Variants in GRIN3A observed in about 807,000 individuals in gnomAD.
The protein encoded by GRIN3A is glutamate ionotropic receptor NMDA type subunit 3A, also known as glutamate receptor ionotropic, NMDA 3A.
GRIN3A carries 47 observed loss-of-function variants against 92.4 expected under a neutral mutation model. The ratio of observed to expected loss-of-function variants is 0.51; its 90% confidence interval spans 0.40 to 0.65. The LOEUF is 0.65. Among genes scored for constraint, GRIN3A ranks in the 30% least tolerant of loss-of-function variants. GRIN3A has a pLI of 0.00. For synonymous variants in GRIN3A, 527 were observed against 540.6 expected (o/e 0.97, Z 0.35); for missense variants, 1,324 against 1,393.1 (o/e 0.95, Z 0.79).
At chr9:101,575,581 C>A (rs1478617860) in intron 8 of GRIN3A, among the ~76,000 whole-genome samples, 2 of 152,168 alleles carry the variant, frequency 1.3e-5, no homozygotes. Context: ...ACCTTATTTT[C>A]TTTGCATTAA....
intron 6 of GRIN3A, among the ~76,000 whole-genome samples, chr9:101,588,898 GTTTAA>G (rs1827983724): frequency 6.6e-6 from 1 of 151,870 alleles, no homozygotes; most frequent in African/African-American, 2.4e-5. Flanking sequence ...AACTGTGGTT[GTTTAA>G]TTTTTTAAAT....
At chr9:101,674,513 G>A (rs1829369010) in intron 2 of GRIN3A, among the ~76,000 whole-genome samples, 2 of 152,172 alleles carry the variant, frequency 1.3e-5, no homozygotes, top group African/African-American at 2.4e-5. Context: ...CAAATGTACA[G>A]GGTTGCAAAC....
chr9:101,594,773 C>T, intron 6 of GRIN3A: 1 of 1,613,930 alleles, frequency 6.2e-7, no homozygotes, highest in Non-Finnish European at 8.5e-7. Context: ...CGGGTTGTGG[C>T]GCAGCTCCGG....
intron 3 of GRIN3A, among the ~76,000 whole-genome samples, chr9:101,636,643 C>T (rs1045573686): frequency 1.3e-5 from 2 of 152,108 alleles, no homozygotes; most frequent in African/African-American, 2.4e-5. Context: ...ATAACTGCCT[C>T]CAGGAAAGGT....
intron 1 of GRIN3A, among the ~76,000 whole-genome samples, chr9:101,699,619 C>A (rs1344312352): frequency 3.3e-5 from 5 of 152,104 alleles, no homozygotes; most frequent in Admixed American, 3.3e-4. Flanking sequence ...TATTTTATAT[C>A]TTTCTTGTCT....
intron 6 of GRIN3A, among the ~76,000 whole-genome samples, chr9:101,582,113 C>T (rs968641217): frequency 6.6e-6 from 1 of 152,190 alleles, no homozygotes; most frequent in Non-Finnish European, 1.5e-5. Context: ...GAATGATCCT[C>T]CCATTCTCTT....
At chr9:101,719,375 C>T (rs1379016516) in intron 1 of GRIN3A, among the ~76,000 whole-genome samples, 5 of 150,058 alleles carry the variant, frequency 3.3e-5, no homozygotes, top group Non-Finnish European at 7.4e-5. Flanking sequence ...GCTGAGATTG[C>T]ACCACTGCAC....
At chr9:101,732,207 A>C (rs1830147415) in intron 1 of GRIN3A, among the ~76,000 whole-genome samples, 1 of 152,240 alleles carries the variant, frequency 6.6e-6, no homozygotes, top group South Asian at 2.1e-4. Context: ...TTAGGTCAGT[A>C]TGAATCAACA....
intron 3 of GRIN3A, among the ~76,000 whole-genome samples, chr9:101,639,632 C>A (rs775841349): frequency 8.5e-5 from 13 of 152,270 alleles, no homozygotes; most frequent in South Asian, 4.1e-4. Context: ...GTGATGTAAG[C>A]CTTTTGGCAC....
chr9:101,614,379 T>G (rs1828410303), intron 5 of GRIN3A, among the ~76,000 whole-genome samples: 1 of 152,108 alleles, frequency 6.6e-6, no homozygotes, highest in Admixed American at 6.5e-5. Context: ...GACAAGAGAA[T>G]GAGTAATGAA....
chr9:101,610,709 G>A (rs933595783), intron 6 of GRIN3A, among the ~76,000 whole-genome samples: 1 of 152,016 alleles, frequency 6.6e-6, no homozygotes, highest in African/African-American at 2.4e-5. Context: ...TGTAACAAAT[G>A]TAAAAAACAG....
At position 101,738,033 on chromosome 9, in the gene GRIN3A, C is replaced by A; in HGVS notation, c.-54G>T. 1 of 1,443,530 alleles carries A rather than the reference C, an allele frequency of 6.9e-7. No individual in the cohort carries two copies. The highest frequency in any genetic ancestry group is 9.4e-7 in the Non-Finnish European group (1 of 1,064,832). The allele number at this position is 1,443,530 out of a possible 1,614,324, so 89.4% of individuals were successfully genotyped here. The stretch of plus-strand genomic sequence containing the variant: ...CCCCTCCTGCGCCCGGCTCGCCCCT[C>A]TGCAGCCGCTGCCTGAGGTCTCCGC... On this transcript the variant is annotated 5_prime_UTR_variant, in exon 1 of 9. Coordinates refer to ENST00000361820, the MANE Select transcript of GRIN3A (RefSeq NM_133445.3).
At chr9:101,699,367 A>T (rs1163476978) in intron 1 of GRIN3A, among the ~76,000 whole-genome samples, 2 of 152,168 alleles carry the variant, frequency 1.3e-5, no homozygotes, top group African/African-American at 4.8e-5. Context: ...AGGTTGTTTC[A>T]CAATTAACTT....
At position 101,657,786 on chromosome 9, in the gene GRIN3A, G is replaced by A. The variant is rs1039635117; in HGVS notation, c.2352+12274C>T. Among the ~76,000 whole-genome samples, 3 of 151,904 alleles carry A rather than the reference G, an allele frequency of 2.0e-5. No individual in the cohort carries two copies. The East Asian group carries it at 5.8e-4, about 30-fold the overall frequency. On this transcript the variant is annotated intron_variant, in intron 3 of 8. Coordinates refer to ENST00000361820, the MANE Select transcript of GRIN3A (RefSeq NM_133445.3). ...CAACTTCTTCTTTTTAGTTTATTAA[G>A]TATCCAGAGGATATATTCTTGCCAC...
intron 1 of GRIN3A, among the ~76,000 whole-genome samples, chr9:101,717,497 T>G (rs527751814): frequency 5.3e-5 from 8 of 152,336 alleles, no homozygotes; most frequent in Admixed American, 3.9e-4. Context: ...AGAGTCGTAC[T>G]TAATGACGGA....
chr9:101,615,169 T>A (rs36074111), intron 5 of GRIN3A, among the ~76,000 whole-genome samples: 10,161 of 150,474 alleles, frequency 0.068, 481 homozygotes, highest in East Asian at 0.17. Context: ...TAGCTACATT[T>A]TGTTTTAGCT....
At chr9:101,585,590 T>G (rs893746378) in intron 6 of GRIN3A, among the ~76,000 whole-genome samples, 1 of 152,182 alleles carries the variant, frequency 6.6e-6, no homozygotes, top group African/African-American at 2.4e-5. Flanking sequence ...AAAAAAACCT[T>G]AGAACCACCT....
chr9:101,637,389 C>G (rs1828799262), intron 3 of GRIN3A, among the ~76,000 whole-genome samples: 1 of 152,138 alleles, frequency 6.6e-6, no homozygotes, highest in Non-Finnish European at 1.5e-5. Context: ...TTTTTCCACT[C>G]AGTTTACAGG....
chr9:101,727,096 G>A (rs1247958480), intron 1 of GRIN3A, among the ~76,000 whole-genome samples: 1 of 152,194 alleles, frequency 6.6e-6, no homozygotes, highest in Non-Finnish European at 1.5e-5. Context: ...TAAGATGAGT[G>A]TAGTAAAATC....
Sources: allele counts gnomAD v4.1 joint callset (sites outside exome capture counted in the v4.1 genomes callset), GRCh38; gene constraint gnomAD v4.1.1; transcripts MANE v1.5; gene names NCBI Gene and HGNC (gene_info 2026-07-23, HGNC 2026-07-21).